Variants in COX10 observed in about 807,000 individuals in gnomAD.
COX10 encodes the protein protoheme IX farnesyltransferase, mitochondrial.
A neutral mutation model predicts 37.3 loss-of-function variants in COX10; 27 were observed. That is an observed-to-expected ratio of 0.72 (90% CI 0.53 to 1.00). The LOEUF is 1.00. Among genes scored for constraint, COX10 ranks in the 50% least tolerant of loss-of-function variants. COX10 has a pLI of 0.00. For missense variants in COX10, 475 were observed against 563.2 expected, an observed-to-expected ratio of 0.84 and a Z score of 1.59; for synonymous variants, 222 against 229.1, an observed-to-expected ratio of 0.97 and a Z score of 0.28.
At chr17:14,069,987 C>T (rs1455179629) in intron 1 of COX10, among the ~76,000 whole-genome samples, 1 of 152,230 alleles carries the variant, frequency 6.6e-6, no homozygotes, top group Non-Finnish European at 1.5e-5. Context: ...TTATCAGAGC[C>T]TCGGCTTCTA....
intron 3 of COX10, among the ~76,000 whole-genome samples, chr17:14,089,024 C>T (rs1239384042): frequency 1.3e-5 from 2 of 152,156 alleles, no homozygotes; most frequent in African/African-American, 2.4e-5. Context: ...TGGCTACCTC[C>T]AGCTGCAAGG....
chr17:14,176,434 C>A (rs1053787851), intron 5 of COX10, among the ~76,000 whole-genome samples: 17 of 152,150 alleles, frequency 1.1e-4, no homozygotes, highest in Non-Finnish European at 2.4e-4. Context: ...ATAGAGTAAA[C>A]CCCGCAGGGA....
At chr17:14,088,863 GTCA>G (rs776072759) in intron 3 of COX10, among the ~76,000 whole-genome samples, 8 of 152,072 alleles carry the variant, frequency 5.3e-5, no homozygotes, top group Non-Finnish European at 1.2e-4. Flanking sequence ...CTTCCATACC[GTCA>G]TCATCATATT....
chr17:14,086,578 G>T (rs1464795428), intron 3 of COX10, among the ~76,000 whole-genome samples: 3 of 152,028 alleles, frequency 2.0e-5, no homozygotes, highest in Non-Finnish European at 4.4e-5. Flanking sequence ...TACTTAAATA[G>T]ATCAGTACAT....
intron 4 of COX10, among the ~76,000 whole-genome samples, chr17:14,155,009 G>A (rs1905002208): frequency 6.6e-6 from 1 of 152,146 alleles, no homozygotes; most frequent in African/African-American, 2.4e-5. Context: ...CATTGGGAAT[G>A]AGCAGTGTGA....
chr17:14,127,961 G>A (rs1352150472), intron 4 of COX10, among the ~76,000 whole-genome samples: 1 of 145,512 alleles, frequency 6.9e-6, no homozygotes, highest in African/African-American at 2.5e-5. Flanking sequence ...GTGTGTGTGT[G>A]TGTGGTTTTT....
In COX10 at chr17:14,204,108, A is replaced by G. The variant is rs561755902; in HGVS notation, c.929-2702A>G. The stretch of plus-strand genomic sequence containing the variant: ...TTTGGGCGCACTTTACTACAATATC[A>G]TTACATACTTTCTGTGTTCTAATGC... On this transcript the variant is annotated intron_variant, in intron 6 of 6. Transcript: ENST00000261643. Among the ~76,000 whole-genome samples, 6 of 152,236 alleles carry G rather than the reference A, an allele frequency of 3.9e-5. No homozygotes were observed. In the South Asian group the frequency reaches 1.2e-3, roughly 32 times the overall value.
chr17:14,076,052 C>G (rs1478497356), intron 2 of COX10, among the ~76,000 whole-genome samples: 3 of 149,558 alleles, frequency 2.0e-5, no homozygotes, highest in African/African-American at 7.3e-5. Context: ...TGAGCCCCTC[C>G]CTATGCTGTT....
intron 1 of COX10, 55 bp downstream of exon 1, chr17:14,069,703 G>A (rs1914966952): frequency 1.2e-6 from 2 of 1,608,458 alleles, no homozygotes; most frequent in African/African-American, 1.3e-5. Flanking sequence ...TTATTACCAC[G>A]TGCGAGGCCG....
At chr17:14,101,095 A>T (rs956661796) in intron 3 of COX10, among the ~76,000 whole-genome samples, 2 of 152,172 alleles carry the variant, frequency 1.3e-5, no homozygotes, top group African/African-American at 4.8e-5. Context: ...TGGGTTTGAA[A>T]CATAGTGTAG....
At chr17:14,098,885 G>T (rs889070212) in intron 3 of COX10, among the ~76,000 whole-genome samples, 1 of 152,086 alleles carries the variant, frequency 6.6e-6, no homozygotes, top group African/African-American at 2.4e-5. Context: ...TAGGTACCTT[G>T]TGTGTACTTG....
intron 6 of COX10, among the ~76,000 whole-genome samples, chr17:14,205,871 G>A (rs1297829762): frequency 6.6e-6 from 1 of 152,160 alleles, no homozygotes; most frequent in African/African-American, 2.4e-5. Flanking sequence ...TAGGAGCTCA[G>A]CGAGCAGCAG....
At position 14,139,449 on chromosome 17, in the gene COX10, G is replaced by C. The variant is rs181237147; in HGVS notation, c.625-20428G>C. Among the ~76,000 whole-genome samples, 4 of 152,206 alleles carry C rather than the reference G, an allele frequency of 2.6e-5. No individual in the cohort carries two copies. In the East Asian group the frequency reaches 7.7e-4, roughly 29 times the overall value. ...CCTTAATCACTAAACTAAACCCATA[G>C]CTGAGAATATATACTACTTTTCAAG... On this transcript the variant is annotated intron_variant, in intron 4 of 6. Coordinates refer to ENST00000261643, the MANE Select transcript of COX10 (RefSeq NM_001303.4).
intron 5 of COX10, chr17:14,181,923 G>A: frequency 1.2e-6 from 1 of 857,414 alleles, no homozygotes; most frequent in Non-Finnish European, 1.4e-6. Flanking sequence ...ATAATTCAGG[G>A]GTCACCACGT....
In COX10 at chr17:14,206,886, A is replaced by G; in HGVS notation, c.1005A>G (p.Glu335=). The G allele has an allele frequency of 6.2e-7, 1 of 1,614,018 alleles. No homozygotes were observed. Among genetic ancestry groups the G allele is most frequent in the Non-Finnish European group, 8.5e-7 (1 of 1,179,978 alleles). The change falls in exon 7 of 7, where the codon GAA becomes GAG. Residue 335 remains glutamate, a synonymous_variant. Transcript: ENST00000261643. ...HFNALSWGLR[E]DYSRGGYCMM... ...ACGCCCTGAGCTGGGGCCTCCGTGA[A>G]GACTACTCCCGGGGCGGCTACTGCA...
chr17:14,171,389 A>G (rs1386853119), intron 5 of COX10, among the ~76,000 whole-genome samples: 1 of 152,130 alleles, frequency 6.6e-6, no homozygotes, highest in Non-Finnish European at 1.5e-5. Flanking sequence ...CCAGCCAGGC[A>G]TGGTGCTCGA....
intron 4 of COX10, among the ~76,000 whole-genome samples, chr17:14,119,759 G>A (rs1597508224): frequency 6.6e-6 from 1 of 151,424 alleles, no homozygotes; most frequent in East Asian, 1.9e-4. Context: ...TGATGAGACA[G>A]AGACAGAAAG....
intron 4 of COX10, among the ~76,000 whole-genome samples, chr17:14,152,955 G>C (rs915497247): frequency 6.6e-6 from 1 of 152,204 alleles, no homozygotes; most frequent in African/African-American, 2.4e-5. Context: ...AATTGTGTGT[G>C]CTCCACTGTA....
At chr17:14,179,168 A>T in intron 5 of COX10, 8 of 757,028 alleles carry the variant, frequency 1.1e-5, no homozygotes, top group Non-Finnish European at 1.3e-5. Flanking sequence ...GTTCAGTTAA[A>T]ATTGGAGTTT....
Sources: allele counts gnomAD v4.1 joint callset (sites outside exome capture counted in the v4.1 genomes callset), GRCh38; gene constraint gnomAD v4.1.1; transcripts MANE v1.5; gene names NCBI Gene and HGNC (gene_info 2026-07-23, HGNC 2026-07-21).